DMD: variants seen among roughly 807,000 people sequenced by gnomAD.
DMD encodes the protein mutant dystrophin.
In DMD, 63 loss-of-function variants were observed where a neutral mutation model predicts 330.1. The observed-to-expected ratio is 0.19, with a 90% confidence interval of 0.16 to 0.24. DMD has a LOEUF of 0.24. Ranked by LOEUF, DMD falls within the 10% of genes least tolerant of loss-of-function variation. The pLI is 1.00. For synonymous variants in DMD, 1,223 were observed against 959.8 expected (o/e 1.27, Z -5.07); for missense variants, 3,344 against 2,684.1 (o/e 1.25, Z -5.43).
intron 52 of DMD, among the ~76,000 whole-genome samples, chrX:31,726,578 C>G (rs1036807550): frequency 8.9e-6 from 1 of 112,024 alleles, no homozygotes; most frequent in Non-Finnish European, 1.9e-5. Flanking sequence ...CAAATCTTTA[C>G]TAAGAAAAAT....
At chrX:33,224,479 A>G (rs2052247225) in intron 1 of DMD, among the ~76,000 whole-genome samples, 1 of 112,014 alleles carries the variant, frequency 8.9e-6, no homozygotes. Context: ...AAATGCTTCT[A>G]TATACTGTAG....
intron 45 of DMD, among the ~76,000 whole-genome samples, chrX:31,953,547 G>A (rs2095211869): frequency 9.0e-6 from 1 of 111,519 alleles, no homozygotes; most frequent in South Asian, 3.7e-4. Flanking sequence ...TATGCCGTTG[G>A]TTGATATCCA....
intron 7 of DMD, among the ~76,000 whole-genome samples, chrX:32,779,574 A>G (rs1490563515): frequency 9.2e-6 from 1 of 108,397 alleles, no homozygotes; most frequent in Non-Finnish European, 1.9e-5. Context: ...CCCACCTATG[A>G]GTGAGAACAT....
chrX:31,741,905 C>T (rs1306398878), intron 51 of DMD, among the ~76,000 whole-genome samples: 1 of 111,773 alleles, frequency 8.9e-6, no homozygotes, highest in African/African-American at 3.2e-5. Flanking sequence ...TTTAGTATTG[C>T]CACCTTTATT....
intron 67 of DMD, among the ~76,000 whole-genome samples, chrX:31,202,757 G>GA (rs1283097294): frequency 8.9e-6 from 1 of 111,808 alleles, no homozygotes; most frequent in African/African-American, 3.3e-5. Flanking sequence ...CTTAGCACTT[G>GA]AAAAAACCAA....
At chrX:32,776,131 T>C (rs2074115804) in intron 7 of DMD, among the ~76,000 whole-genome samples, 2 of 111,477 alleles carry the variant, frequency 1.8e-5, no homozygotes, top group Admixed American at 1.9e-4. Context: ...AGAGTCACTT[T>C]TACTCCAGTT....
intron 2 of DMD, among the ~76,000 whole-genome samples, chrX:32,891,853 G>C (rs759435228): frequency 1.8e-5 from 2 of 111,561 alleles, no homozygotes; most frequent in East Asian, 5.6e-4. Context: ...CTGATTTGAG[G>C]TTCCTCAAAT....
At chrX:32,827,296 T>C (rs2078795792) in intron 4 of DMD, among the ~76,000 whole-genome samples, 1 of 110,794 alleles carries the variant, frequency 9.0e-6, no homozygotes, top group Non-Finnish European at 1.9e-5. Flanking sequence ...AAAAAATAGA[T>C]TGGAATGAAG....
intron 47 of DMD, among the ~76,000 whole-genome samples, chrX:31,899,208 G>A (rs1262714550): frequency 9.0e-6 from 1 of 111,665 alleles, no homozygotes; most frequent in African/African-American, 3.2e-5. Flanking sequence ...CACAGGATTT[G>A]TAATAATCTC....
chrX:31,446,784 G>A (rs1000691252), intron 59 of DMD, among the ~76,000 whole-genome samples: 3 of 112,022 alleles, frequency 2.7e-5, no homozygotes, highest in East Asian at 5.6e-4. Context: ...CAAGGACAAC[G>A]GTTACAAAAT....
intron 1 of DMD, among the ~76,000 whole-genome samples, chrX:33,166,956 C>T (rs1373797461): frequency 4.5e-5 from 5 of 110,706 alleles, no homozygotes; most frequent in Non-Finnish European, 9.5e-5. Context: ...AAAGCACCAT[C>T]GATATGTATC....
intron 16 of DMD, among the ~76,000 whole-genome samples, chrX:32,552,064 T>G (rs2049622130): frequency 8.9e-6 from 1 of 111,928 alleles, no homozygotes; most frequent in Admixed American, 9.5e-5. Context: ...CACTTTTTAA[T>G]TCAATGCTAT....
At chrX:32,805,333 C>T (rs1411308462) in intron 7 of DMD, among the ~76,000 whole-genome samples, 1 of 111,417 alleles carries the variant, frequency 9.0e-6, no homozygotes, top group African/African-American at 3.3e-5. Context: ...GTATCAATAG[C>T]TCAATCGATC....
intron 43 of DMD, among the ~76,000 whole-genome samples, chrX:32,263,469 T>C (rs1255259835): frequency 8.9e-6 from 1 of 112,639 alleles, no homozygotes; most frequent in African/African-American, 3.2e-5. Flanking sequence ...CATTTTACTA[T>C]TGTTACTATC....
intron 65 of DMD, among the ~76,000 whole-genome samples, chrX:31,208,529 T>A (rs2044316886): frequency 8.9e-6 from 1 of 112,024 alleles, no homozygotes; most frequent in Non-Finnish European, 1.9e-5. Flanking sequence ...AAATCCGACA[T>A]GTTCAAGGAC....
chrX:32,641,390 T>G (rs1184580450), intron 11 of DMD: 1 of 101,236 alleles, frequency 9.9e-6, no homozygotes. Context: ...TATAGAGAGA[T>G]ATATGTGTAT....
chrX:32,292,906 A>C (rs186360259), intron 42 of DMD, among the ~76,000 whole-genome samples: 1 of 112,526 alleles, frequency 8.9e-6, no homozygotes, highest in African/African-American at 3.2e-5. Context: ...TATAAAAAGC[A>C]ACTGTGTTCT....
chrX:31,332,388 T>C (rs2057177229), intron 61 of DMD, among the ~76,000 whole-genome samples: 2 of 111,969 alleles, frequency 1.8e-5, no homozygotes, highest in African/African-American at 6.5e-5. Flanking sequence ...ATAGTAGTTA[T>C]ATTGTGGCAT....
chrX:32,030,476 C>T lies in DMD; in HGVS notation c.6439-61962G>A, dbSNP rs184772304. 1.6e-4 allele frequency among the ~76,000 whole-genome samples: 18 copies of T among 112,109 alleles called. No individual in the cohort carries two copies. In the East Asian group the frequency reaches 4.8e-3, roughly 30 times the overall value. On this transcript the variant is annotated intron_variant, in intron 44 of 78. Transcript: ENST00000357033. Reference sequence around the variant, plus strand: ...TACTCTACAAATATTTATTGAACACCTAATATGGACCAGAGACTGTTTTAG... The same window carrying T: ...TACTCTACAAATATTTATTGAACACTTAATATGGACCAGAGACTGTTTTAG...
Sources: allele counts gnomAD v4.1 joint callset (sites outside exome capture counted in the v4.1 genomes callset), GRCh38; gene constraint gnomAD v4.1.1; transcripts MANE v1.5; gene names NCBI Gene and HGNC (gene_info 2026-07-23, HGNC 2026-07-21).